Variants in MROH9 observed in about 807,000 individuals in gnomAD.
MROH9 encodes the protein maestro heat like repeat family member 9, also known as maestro heat-like repeat-containing protein family member 9.
MROH9 carries 92 observed loss-of-function variants against 98.2 expected under a neutral mutation model. The ratio of observed to expected loss-of-function variants is 0.94; its 90% CI spans 0.79 to 1.11. The LOEUF is 1.11. Among genes scored for constraint, MROH9 ranks in the 50% most tolerant of loss-of-function variants. The pLI is 0.00. For missense variants in MROH9, 1,057 were observed against 1,014.8 expected (o/e 1.04, Z -0.57); for synonymous variants, 397 against 368.9 (o/e 1.08, Z -0.87).
intron 17 of MROH9, among the ~76,000 whole-genome samples, chr1:171,018,444 A>G (rs1437023459): frequency 6.6e-6 from 1 of 152,182 alleles, no homozygotes; most frequent in Non-Finnish European, 1.5e-5. Flanking sequence ...TGAAGATGAG[A>G]AAAAAATTAA....
chr1:170,995,789 A>G (rs1651545635), intron 13 of MROH9, among the ~76,000 whole-genome samples: 1 of 152,184 alleles, frequency 6.6e-6, no homozygotes, highest in Non-Finnish European at 1.5e-5. Context: ...TTCCTACCAC[A>G]CTGCCTATCA....
At chr1:170,943,885 G>A (rs1487403759) in intron 1 of MROH9, among the ~76,000 whole-genome samples, 1 of 151,982 alleles carries the variant, frequency 6.6e-6, no homozygotes, top group Non-Finnish European at 1.5e-5. Flanking sequence ...AATGAATGGG[G>A]AAAGTCTGGC....
At chr1:171,003,506 G>A (rs1483945406) in intron 15 of MROH9, among the ~76,000 whole-genome samples, 3 of 152,152 alleles carry the variant, frequency 2.0e-5, no homozygotes, top group Non-Finnish European at 2.9e-5. Flanking sequence ...AGTGATTGTT[G>A]TCTCTTTTCT....
intron 4 of MROH9, among the ~76,000 whole-genome samples, 168 bp downstream of exon 4, chr1:170,958,708 C>T (rs1192612860): frequency 6.6e-6 from 1 of 152,080 alleles, no homozygotes; most frequent in Non-Finnish European, 1.5e-5. Context: ...TTTTGTATTG[C>T]GTAGACAAGC....
rs1490747323 is a variant in MROH9, at chr1:170,971,758, A to G, written c.491A>G (p.Asp164Gly). The G allele has an allele frequency of 7.4e-6, 12 of 1,613,870 alleles. No homozygotes were observed. The highest frequency in any genetic ancestry group is 5.5e-5 in the South Asian group (5 of 91,074). The part of the protein sequence containing the change: ...VTKVRKYISV[D>G]APCLGLLAAE... ...TTGTTTCTCCATTAGATAAGTGTTG[A>G]TGCTCCATGTTTGGGTCTCCTGGCA... is the stretch of plus-strand genomic sequence containing the variant. Residue 164 changes from aspartate to glycine, a missense_variant, in exon 8 of 22, where the codon GAT (aspartate) becomes GGT (glycine). By Grantham distance (94) the Asp-to-Gly change is moderately conservative (BLOSUM62 -1). Transcript: ENST00000367759.
At chr1:171,026,397 C>G (rs942412672) in intron 20 of MROH9, among the ~76,000 whole-genome samples, 49 of 152,016 alleles carry the variant, frequency 3.2e-4, no homozygotes, top group African/African-American at 1.1e-3. Flanking sequence ...GCTTCAGCCT[C>G]TAGAGTAGCT....
intron 21 of MROH9, among the ~76,000 whole-genome samples, 151 bp downstream of exon 21, chr1:171,062,345 A>G (rs114403355): frequency 2.0e-3 from 310 of 152,334 alleles, no homozygotes; most frequent in African/African-American, 6.8e-3. Flanking sequence ...GGAAGAATCA[A>G]TGAAAGGACT....
intron 12 of MROH9, among the ~76,000 whole-genome samples, chr1:170,994,561 T>C (rs1242668211): frequency 6.6e-6 from 1 of 152,166 alleles, no homozygotes; most frequent in African/African-American, 2.4e-5. Context: ...ACGCACATCA[T>C]AGAGAATGGG....
At chr1:171,017,161 A>C (rs1652352199) in intron 17 of MROH9, among the ~76,000 whole-genome samples, 1 of 152,254 alleles carries the variant, frequency 6.6e-6, no homozygotes, top group Non-Finnish European at 1.5e-5. Context: ...AAGATGGTCA[A>C]CTAGAAGCAG....
intron 20 of MROH9, among the ~76,000 whole-genome samples, chr1:171,049,366 G>A (rs1329217555): frequency 6.6e-6 from 1 of 152,172 alleles, no homozygotes; most frequent in Non-Finnish European, 1.5e-5. Context: ...GTCTCTGGGT[G>A]CCGAGTGAGG....
intron 21 of MROH9, 97 bp from the exon 22 acceptor site, chr1:171,064,002 G>C: frequency 8.3e-7 from 1 of 1,211,738 alleles, no homozygotes; most frequent in Non-Finnish European, 1.1e-6. Context: ...GGAGAGAAGG[G>C]GGCACTCTGT....
chr1:171,057,939 G>A (rs115206158), intron 20 of MROH9, among the ~76,000 whole-genome samples: 1 of 151,910 alleles, frequency 6.6e-6, no homozygotes, highest in Admixed American at 6.6e-5. Context: ...TTACCACCAG[G>A]CCTGCCCGAA....
chr1:171,044,972 CTTTTTTTTTTTTTTTT>C (rs754332732), intron 20 of MROH9, among the ~76,000 whole-genome samples: 2 of 45,670 alleles, frequency 4.4e-5, no homozygotes, highest in African/African-American at 6.9e-5. Context: ...CTGCTCTGAT[CTTTTTTTTTTTTTTTT>C]TTTTTTTTTT....
rs1654097497 is a variant in MROH9, at chr1:171,064,132, TG to T, written c.2379del (p.Met793IlefsTer8). The T allele has an allele frequency of 1.3e-6, 2 of 1,550,038 alleles. No individual in the cohort carries two copies. The highest frequency in any genetic ancestry group is 1.7e-6 in the Non-Finnish European group (2 of 1,146,704). Reference protein sequence around the residue: ...IERLLRDEDPMIKQLAEITYD... With the variant: ...IERLLRDEDPXIKQLAEITYD... Reference sequence around the variant, plus strand: ...CGACTGCTCCGAGATGAAGACCCTATGATCAAACAGTTGGCTGAAATAACCT... The same window carrying T: ...CGACTGCTCCGAGATGAAGACCCTATATCAAACAGTTGGCTGAAATAACCT... On this transcript the variant is annotated frameshift_variant, in exon 22 of 22. Transcript: ENST00000367759. LOFTEE classifies it low-confidence loss of function (END_TRUNC).
At chr1:171,002,388 T>C (rs199559875) in intron 15 of MROH9, among the ~76,000 whole-genome samples, 6 of 152,228 alleles carry the variant, frequency 3.9e-5, no homozygotes, top group African/African-American at 1.4e-4. Context: ...TGTTTTCATG[T>C]GTTTCCAGGA....
chr1:170,996,625 G>A lies in MROH9; in HGVS notation c.1456G>A (p.Gly486Arg). Residue 486 changes from glycine (G) to arginine (R), a missense_variant, in exon 14 of 22, where the codon GGA becomes AGA. By Grantham distance (125) the Gly-to-Arg change is moderately radical. Coordinates refer to ENST00000367759, the MANE Select transcript of MROH9 (RefSeq NM_001163629.2). ...ATCTGAAGATCTGTGTTACTATCAT[G>A]GAGTCTGCTTTATTGCTAAGTAAGA... is the stretch of plus-strand genomic sequence containing the variant. Reference protein sequence around the residue: ...QLSEDLCYYHGVCFIAKTLSE... With the variant: ...QLSEDLCYYHRVCFIAKTLSE... 6.2e-7 allele frequency: 1 copy of A among 1,613,422 alleles called. No homozygotes were observed.
At chr1:171,061,276 G>A (rs1654006422) in intron 20 of MROH9, among the ~76,000 whole-genome samples, 1 of 152,180 alleles carries the variant, frequency 6.6e-6, no homozygotes, top group Non-Finnish European at 1.5e-5. Context: ...TTGTGGGAGT[G>A]AAAATTGGTA....
intron 17 of MROH9, among the ~76,000 whole-genome samples, chr1:171,017,518 A>G (rs948670242): frequency 6.6e-6 from 1 of 152,238 alleles, no homozygotes; most frequent in African/African-American, 2.4e-5. Context: ...GAATCTGTTT[A>G]AGACTGCTGA....
chr1:171,002,530 T>A (rs1254234202), intron 15 of MROH9, among the ~76,000 whole-genome samples: 1 of 152,180 alleles, frequency 6.6e-6, no homozygotes, highest in East Asian at 1.9e-4. Context: ...GTTTCACTGA[T>A]TACAAAATTC....
Sources: allele counts gnomAD v4.1 joint callset (sites outside exome capture counted in the v4.1 genomes callset), GRCh38; gene constraint gnomAD v4.1.1; transcripts MANE v1.5; gene names NCBI Gene and HGNC (gene_info 2026-07-23, HGNC 2026-07-21).